Variants in DLG2 observed in about 807,000 individuals in gnomAD.
DLG2 encodes discs large MAGUK scaffold protein 2.
In DLG2, 45 loss-of-function variants were observed where a neutral mutation model predicts 132.5. The observed-to-expected ratio is 0.34, with a 90% CI of 0.27 to 0.44. The LOEUF (loss-of-function observed/expected upper bound fraction) is 0.44. DLG2 is among the 20% of genes least tolerant of loss of function. The pLI is 1.00. For missense variants in DLG2, 1,045 were observed against 1,196.9 expected, an observed-to-expected ratio of 0.87 and a Z score of 1.87; for synonymous variants, 424 against 419.6, an observed-to-expected ratio of 1.01 and a Z score of -0.13.
At position 84,463,399 on chromosome 11, in the gene DLG2, C is replaced by G. The variant is rs530734583; in HGVS notation, c.519+71171G>C. Among the ~76,000 whole-genome samples, 18 of 151,142 alleles carry G rather than the reference C, an allele frequency of 1.2e-4. No individual in the cohort carries two copies. In the South Asian group the frequency reaches 3.1e-3, roughly 26 times the overall value. On this transcript the variant is annotated intron_variant, in intron 7 of 27. Transcript: ENST00000376104. ...AGAAAGGAGAAGAGAGAAAGTGATG[C>G]TATCTCAAGAAAAGGCCTCTTGTAG... is the stretch of plus-strand genomic sequence containing the variant.
intron 11 of DLG2, among the ~76,000 whole-genome samples, chr11:84,038,080 T>G (rs1593686423): frequency 6.6e-6 from 1 of 151,996 alleles, no homozygotes. Context: ...GTATTAAGCA[T>G]AGTGCCCATT....
At chr11:85,158,193 T>C (rs1025727736) in intron 4 of DLG2, among the ~76,000 whole-genome samples, 1 of 152,056 alleles carries the variant, frequency 6.6e-6, no homozygotes, top group African/African-American at 2.4e-5. Context: ...AGAACAGGCA[T>C]GGGAATGGAT....
chr11:85,203,730 C>A (rs1228411338), intron 4 of DLG2, among the ~76,000 whole-genome samples: 1 of 152,010 alleles, frequency 6.6e-6, no homozygotes, highest in Non-Finnish European at 1.5e-5. Flanking sequence ...GACAAGGACA[C>A]AGCACCTAAG....
At chr11:84,394,384 TA>T (rs980757710) in intron 7 of DLG2, among the ~76,000 whole-genome samples, 7 of 151,988 alleles carry the variant, frequency 4.6e-5, no homozygotes, top group African/African-American at 1.7e-4. Flanking sequence ...CCTTCATTTT[TA>T]AAGACAAAAG....
chr11:85,600,330 ATCATT>A lies in DLG2; in HGVS notation c.-92-1547_-92-1543del, dbSNP rs141682606. On this transcript the variant is annotated intron_variant, in intron 2 of 27. Coordinates refer to ENST00000376104, the MANE Select transcript of DLG2 (RefSeq NM_001142699.3). Reference sequence around the variant, plus strand: ...TACTAAATCCAGCAGTCAATTATCAATCATTTCATTTGGCCCATAAGCATCATTTG... The same window carrying A: ...TACTAAATCCAGCAGTCAATTATCAATCATTTGGCCCATAAGCATCATTTG... Among the ~76,000 whole-genome samples, 423 of 152,342 alleles carry A rather than the reference ATCATT, an allele frequency of 2.8e-3. 2 individuals carry two copies. Among genetic ancestry groups the A allele is most frequent in the African/African-American group, 9.8e-3 (407 of 41,580 alleles).
chr11:85,043,761 T>C (rs946652285), intron 6 of DLG2, among the ~76,000 whole-genome samples: 1 of 151,942 alleles, frequency 6.6e-6, no homozygotes, highest in Non-Finnish European at 1.5e-5. Flanking sequence ...CTATTTTTAA[T>C]AGAAAATTAC....
intron 6 of DLG2, among the ~76,000 whole-genome samples, chr11:84,711,383 C>CGAGAGAGAGA (rs1565737230): frequency 6.5e-4 from 17 of 26,228 alleles, no homozygotes; most frequent in Admixed American, 8.5e-4. Context: ...AGAGAGAGAT[C>CGAGAGAGAGA]GATCGATCTA....
intron 6 of DLG2, among the ~76,000 whole-genome samples, chr11:85,054,718 C>T (rs77697560): frequency 0.035 from 5,359 of 152,240 alleles, 131 homozygotes; most frequent in African/African-American, 0.057. Flanking sequence ...TGCAGCAACA[C>T]GGATGCAGCT....
chr11:85,294,927 G>T (rs1045314283), intron 3 of DLG2, among the ~76,000 whole-genome samples: 2 of 152,056 alleles, frequency 1.3e-5, no homozygotes, highest in Non-Finnish European at 2.9e-5. Context: ...CCCAAATAAG[G>T]TCTTTAAAAA....
At chr11:85,009,470 G>C (rs1348127187) in intron 6 of DLG2, among the ~76,000 whole-genome samples, 4 of 152,044 alleles carry the variant, frequency 2.6e-5, no homozygotes, top group Non-Finnish European at 5.9e-5. Flanking sequence ...TTATCTGACA[G>C]TACATCTTTA....
Position 84,922,833 on chromosome 11 carries a change from C to G in DLG2, c.357+188828G>C, listed in dbSNP as rs547254395. 2.7e-5 allele frequency among the ~76,000 whole-genome samples: 4 copies of G among 149,644 alleles called. No individual in the cohort carries two copies. The South Asian group carries it at 6.6e-4, about 25-fold the overall frequency. On this transcript the variant is annotated intron_variant, in intron 6 of 27. Transcript: ENST00000376104. Reference sequence around the variant, plus strand: ...TCTTTTCTTCCCCCCTCTCCACCCCCCAACTATGAGCGTGAACCTGAATTA... The same window carrying G: ...TCTTTTCTTCCCCCCTCTCCACCCCGCAACTATGAGCGTGAACCTGAATTA...
At chr11:84,450,256 T>G (rs1019663693) in intron 7 of DLG2, among the ~76,000 whole-genome samples, 1 of 151,822 alleles carries the variant, frequency 6.6e-6, no homozygotes, top group Non-Finnish European at 1.5e-5. Flanking sequence ...AGAAATGTCA[T>G]GTGGTAGCTT....
At chr11:85,248,643 T>C (rs768721233) in intron 4 of DLG2, among the ~76,000 whole-genome samples, 5 of 152,014 alleles carry the variant, frequency 3.3e-5, no homozygotes, top group African/African-American at 4.8e-5. Flanking sequence ...AGTGAAAATA[T>C]TCAGTGGAGA....
chr11:84,471,101 G>T (rs1375261592), intron 7 of DLG2, among the ~76,000 whole-genome samples: 1 of 151,594 alleles, frequency 6.6e-6, no homozygotes, highest in Non-Finnish European at 1.5e-5. Flanking sequence ...TTCACTGAGG[G>T]CCAAGAACCC....
intron 21 of DLG2, among the ~76,000 whole-genome samples, chr11:83,505,670 A>G (rs938006103): frequency 3.3e-5 from 5 of 152,316 alleles, no homozygotes; most frequent in Middle Eastern, 3.4e-3. Context: ...GCTACAGCCC[A>G]TGAATCAGTA....
intron 6 of DLG2, among the ~76,000 whole-genome samples, chr11:84,817,889 T>C (rs1243927753): frequency 1.3e-5 from 2 of 151,916 alleles, no homozygotes; most frequent in African/African-American, 2.4e-5. Context: ...CATAATTCAG[T>C]GGACAATAGG....
Position 85,505,389 on chromosome 11 carries a change from T to C in DLG2, c.40+93268A>G, listed in dbSNP as rs59259888. ...AAAGAGGTCTTATTATTTTGAGATATGTCCCATCAATATCTAGTTTATTGA... is the reference window on the plus strand; with the variant it reads ...AAAGAGGTCTTATTATTTTGAGATACGTCCCATCAATATCTAGTTTATTGA... On this transcript the variant is annotated intron_variant, in intron 3 of 27. Coordinates refer to ENST00000376104, the MANE Select transcript of DLG2 (RefSeq NM_001142699.3). 8.9e-3 allele frequency among the ~76,000 whole-genome samples: 1,362 copies of C among 152,266 alleles called. 18 individuals carry two copies. Among genetic ancestry groups the C allele is most frequent in the African/African-American group, 0.029 (1,214 of 41,578 alleles).
Position 84,147,144 on chromosome 11 carries a change from A to G in DLG2, c.624+16317T>C, listed in dbSNP as rs377635111. Among the ~76,000 whole-genome samples the G allele has an allele frequency of 5.9e-5, 9 of 152,188 alleles. No individual in the cohort carries two copies. In the East Asian group the frequency reaches 1.4e-3, roughly 23 times the overall value. ...CATGTGACCACCAAGATAGTTCTAAAACTAAAGATTTTCCATGCTCCAGCC... is the reference window on the plus strand; with the variant it reads ...CATGTGACCACCAAGATAGTTCTAAGACTAAAGATTTTCCATGCTCCAGCC... On this transcript the variant is annotated intron_variant, in intron 9 of 27. Transcript: ENST00000376104.
chr11:84,867,348 G>T (rs564965549), intron 6 of DLG2, among the ~76,000 whole-genome samples: 39 of 152,294 alleles, frequency 2.6e-4, no homozygotes, highest in African/African-American at 8.9e-4. Flanking sequence ...CCTTTAGCTT[G>T]TTGCAGAGAA....
Sources: gnomAD v4.1 joint callset for allele counts (sites outside exome capture counted in the v4.1 genomes callset) on GRCh38, gnomAD v4.1.1 for gene constraint, MANE v1.5 for transcripts, NCBI Gene and HGNC (gene_info 2026-07-23, HGNC 2026-07-21) for gene names.